Variants in CDYL observed in about 807,000 individuals in gnomAD.
CDYL encodes chromodomain Y-like protein.
A neutral mutation model predicts 47.3 loss-of-function variants in CDYL; 8 were observed. That is an observed-to-expected ratio of 0.17 (90% confidence interval 0.10 to 0.31). CDYL has a LOEUF of 0.31. Ranked by LOEUF, CDYL falls within the 10% of genes least tolerant of loss-of-function variation. CDYL has a pLI of 1.00. For missense variants in CDYL, 471 were observed against 701.4 expected, an observed-to-expected ratio of 0.67 and a Z score of 3.71; for synonymous variants, 266 against 265.0, an observed-to-expected ratio of 1.00 and a Z score of -0.04.
At chr6:4,865,432 G>C (rs963181355) in intron 1 of CDYL, among the ~76,000 whole-genome samples, 2 of 152,168 alleles carry the variant, frequency 1.3e-5, no homozygotes, top group Non-Finnish European at 2.9e-5. Context: ...CCTTTTCCAG[G>C]TTTATTCTCG....
At chr6:4,944,510 C>T (rs1758455059) in intron 5 of CDYL, among the ~76,000 whole-genome samples, 2 of 152,230 alleles carry the variant, frequency 1.3e-5, no homozygotes, top group South Asian at 2.1e-4. Flanking sequence ...CGTCTGCTAA[C>T]AGCAGCACCC....
chr6:4,925,070 G>A (rs778312360), intron 2 of CDYL, among the ~76,000 whole-genome samples: 33 of 152,220 alleles, frequency 2.2e-4, no homozygotes, highest in Non-Finnish European at 4.1e-4. Flanking sequence ...CATGCAGAAA[G>A]TTGTAATACC....
At chr6:4,813,867 A>C (rs2127445378) in intron 1 of CDYL, among the ~76,000 whole-genome samples, 2 of 151,578 alleles carry the variant, frequency 1.3e-5, no homozygotes, top group South Asian at 4.2e-4. Flanking sequence ...ACAGCCTCCC[A>C]GGCTCCAACG....
rs77392313 is a variant in CDYL, at chr6:4,938,548, G to A, written c.1121+811G>A. The stretch of plus-strand genomic sequence containing the variant: ...TGGAATGGTTAAATCAAGCTAATTA[G>A]CATATGCATTACCTCACATACTTAC... On this transcript the variant is annotated intron_variant, in intron 4 of 6. Coordinates refer to ENST00000397588, the MANE Select transcript of CDYL (RefSeq NM_004824.4). Among the ~76,000 whole-genome samples the A allele has an allele frequency of 4.0e-3, 615 of 152,238 alleles. 3 individuals are homozygous for A. The highest frequency in any genetic ancestry group is 6.3e-3 in the Non-Finnish European group (431 of 68,016).
At chr6:4,827,859 T>G (rs1325868067) in intron 1 of CDYL, among the ~76,000 whole-genome samples, 3 of 152,170 alleles carry the variant, frequency 2.0e-5, no homozygotes, top group Admixed American at 1.3e-4. Flanking sequence ...TTCACCATGT[T>G]GACTAGGCTG....
intron 2 of CDYL, chr6:4,715,978 G>A (rs1019500828): frequency 2.7e-6 from 4 of 1,507,228 alleles, no homozygotes; most frequent in Admixed American, 2.1e-5. Flanking sequence ...GCCGGGCACG[G>A]TGGCTCACGC....
chr6:4,738,166 A>G (rs1271490981), intron 3 of CDYL, among the ~76,000 whole-genome samples: 3 of 152,178 alleles, frequency 2.0e-5, no homozygotes, highest in Non-Finnish European at 2.9e-5. Flanking sequence ...ACTTGAGGCC[A>G]GGAGTTGGAG....
intron 2 of CDYL, among the ~76,000 whole-genome samples, chr6:4,895,103 ATATG>A (rs1284806608): frequency 1.3e-5 from 2 of 151,052 alleles, no homozygotes; most frequent in African/African-American, 2.4e-5. Context: ...ACATGTGTGT[ATATG>A]TATCTATATG....
intron 3 of CDYL, among the ~76,000 whole-genome samples, chr6:4,744,274 C>CTTGAGGCCAGGAAT (rs1349964316): frequency 6.6e-6 from 1 of 152,152 alleles, no homozygotes; most frequent in African/African-American, 2.4e-5. Context: ...GGGAGGACTG[C>CTTGAGGCCAGGAAT]TTGAGGCCAG....
intron 1 of CDYL, among the ~76,000 whole-genome samples, chr6:4,835,864 G>A (rs1377305886): frequency 1.3e-5 from 2 of 152,184 alleles, no homozygotes; most frequent in African/African-American, 2.4e-5. Context: ...GACTCCGTGG[G>A]CGCAGGACCC....
chr6:4,710,404 A>AAGGAAGGAAGGAAGGAAGGAAGGAAC, intron 1 of CDYL, among the ~76,000 whole-genome samples: 1 of 35,434 alleles, frequency 2.8e-5, no homozygotes, highest in African/African-American at 7.4e-5. Flanking sequence ...AAGGAAGGAA[A>AAGGAAGGAAGGAAGGAAGGAAGGAAC]CTACATTTAG....
chr6:4,788,904 G>A (rs1758838684), intron 1 of CDYL, among the ~76,000 whole-genome samples: 1 of 151,952 alleles, frequency 6.6e-6, no homozygotes, highest in South Asian at 2.1e-4. Context: ...CCTCCATTGT[G>A]CCAGGTGGAC....
intron 1 of CDYL, among the ~76,000 whole-genome samples, chr6:4,840,929 T>C (rs180938517): frequency 8.9e-4 from 136 of 152,290 alleles, no homozygotes; most frequent in Non-Finnish European, 3.4e-4. Flanking sequence ...ACTGGCTTCA[T>C]AGAATGATTT....
intron 3 of CDYL, among the ~76,000 whole-genome samples, chr6:4,745,636 G>C (rs1474493412): frequency 6.6e-6 from 1 of 152,072 alleles, no homozygotes; most frequent in Admixed American, 6.6e-5. Context: ...CTCTGGTCAG[G>C]TAAAACACTG....
chr6:4,896,026 C>G (rs1581245668), intron 2 of CDYL, among the ~76,000 whole-genome samples: 1 of 152,204 alleles, frequency 6.6e-6, no homozygotes, highest in Non-Finnish European at 1.5e-5. Context: ...AAGCTATGAT[C>G]TCTACCCCTC....
intron 2 of CDYL, chr6:4,734,646 T>A: frequency 7.5e-7 from 1 of 1,334,266 alleles, no homozygotes. Context: ...GACTCCTAAT[T>A]CAGGAAGGGG....
At chr6:4,755,021 C>T (rs944805205) in intron 3 of CDYL, among the ~76,000 whole-genome samples, 5 of 150,802 alleles carry the variant, frequency 3.3e-5, no homozygotes, top group Non-Finnish European at 1.5e-5. Flanking sequence ...AGCCTTTGTC[C>T]TGTTTGTTGT....
intron 3 of CDYL, among the ~76,000 whole-genome samples, chr6:4,761,397 G>GCA (rs1431632226): frequency 1.3e-5 from 2 of 152,182 alleles, no homozygotes; most frequent in African/African-American, 2.4e-5. Context: ...AGGCTGGAGT[G>GCA]CAATGGCACA....
At chr6:4,892,458 C>G (rs1298751294) in intron 2 of CDYL, 79 bp downstream of exon 2, 2 of 1,439,884 alleles carry the variant, frequency 1.4e-6, no homozygotes, top group South Asian at 2.7e-5. Flanking sequence ...AGGCCTTGAG[C>G]TGGGCAGAGT....
Sources: gnomAD v4.1 joint callset for allele counts (sites outside exome capture counted in the v4.1 genomes callset) on GRCh38, gnomAD v4.1.1 for gene constraint, MANE v1.5 for transcripts, NCBI Gene and HGNC (gene_info 2026-07-23, HGNC 2026-07-21) for gene names.